UBAP1: variants seen among roughly 807,000 people sequenced by gnomAD.
The protein encoded by UBAP1 is ubiquitin-associated protein 1.
Under a neutral mutation model 39.0 loss-of-function variants are expected in UBAP1, and 5 were observed. The ratio of observed to expected loss-of-function variants is 0.13; its 90% confidence interval spans 0.07 to 0.27. The LOEUF is 0.27. UBAP1 is among the 10% of genes least tolerant of loss of function. The probability of loss-of-function intolerance (pLI) is 1.00; values close to 1 mark genes in which losing one functional copy is unlikely to be tolerated. For synonymous variants in UBAP1, 211 were observed against 225.1 expected (o/e 0.94, Z 0.56); for missense variants, 490 against 608.1 (o/e 0.81, Z 2.04).
intron 1 of UBAP1, among the ~76,000 whole-genome samples, chr9:34,208,046 T>C (rs1443471927): frequency 6.6e-6 from 1 of 152,208 alleles, no homozygotes; most frequent in East Asian, 1.9e-4. Flanking sequence ...GGTATTAGTT[T>C]TTTGTTTTTT....
At chr9:34,222,803 A>G (rs1375728003) in intron 2 of UBAP1, among the ~76,000 whole-genome samples, 1 of 152,028 alleles carries the variant, frequency 6.6e-6, no homozygotes, top group African/African-American at 2.4e-5. Flanking sequence ...TCAAACAAAC[A>G]AACAAAAAAT....
rs537909445 is a variant in UBAP1 at position 34,229,111 on chromosome 9, C to T, written c.35-5105C>T. On this transcript the variant is annotated intron_variant, in intron 2 of 6. Transcript: ENST00000297661. ...GTGCTAGTGAAGGGAAACGGCAGCC[C>T]TTTAAAGGTATTCTACCTCATCTTT... is the stretch of plus-strand genomic sequence containing the variant. Among the ~76,000 whole-genome samples the T allele has an allele frequency of 2.0e-5, 3 of 152,238 alleles. No homozygotes were observed. In the East Asian group the frequency reaches 5.8e-4, roughly 29 times the overall value.
At chr9:34,232,289 C>T (rs1003733901) in intron 2 of UBAP1, among the ~76,000 whole-genome samples, 2 of 152,182 alleles carry the variant, frequency 1.3e-5, no homozygotes, top group African/African-American at 4.8e-5. Flanking sequence ...GCCACTGCAC[C>T]CGGCCTGAGT....
rs1223600162 is a variant in UBAP1, at chr9:34,241,344, A to T, written c.319A>T (p.Thr107Ser). ...CGATAGCAAAATGAGCTTCTCCAAG[A>T]CTCACAGTACAGCCACAATGCCACC... Reference protein sequence around the residue: ...EGDSKMSFSKTHSTATMPPPI... With the variant: ...EGDSKMSFSKSHSTATMPPPI... The change falls in exon 4 of 7, where the codon ACT (threonine) becomes TCT (serine). Residue 107 changes from threonine (T) to serine (S), a missense_variant. Transcript: ENST00000297661. 2 of 1,525,794 alleles carry T rather than the reference A, an allele frequency of 1.3e-6. No homozygotes were observed. Among genetic ancestry groups the T allele is most frequent in the African/African-American group, 2.8e-5 (2 of 71,858 alleles). The allele number at this position is 1,525,794 out of a possible 1,614,324, so 94.5% of individuals were successfully genotyped here.
At chr9:34,199,724 A>C (rs1831261925) in intron 1 of UBAP1, among the ~76,000 whole-genome samples, 1 of 147,350 alleles carries the variant, frequency 6.8e-6, no homozygotes, top group Admixed American at 6.8e-5. Flanking sequence ...AACCTTGACT[A>C]CCCCTGGCTC....
At chr9:34,190,906 C>T (rs527310163) in intron 1 of UBAP1, among the ~76,000 whole-genome samples, 124 of 151,708 alleles carry the variant, frequency 8.2e-4, no homozygotes, top group Non-Finnish European at 1.7e-3. Context: ...CCTCGGCCTC[C>T]CAAAGTGTTG....
chr9:34,224,298 C>T (rs145481272), intron 2 of UBAP1: 59 of 449,832 alleles, frequency 1.3e-4, no homozygotes, highest in African/African-American at 1.2e-3. Context: ...GGTGTGCTGT[C>T]GATGAGTATG....
chr9:34,247,390 G>C (rs901778423), intron 4 of UBAP1, among the ~76,000 whole-genome samples: 2 of 151,964 alleles, frequency 1.3e-5, no homozygotes, highest in East Asian at 1.9e-4. Context: ...AAATATTGTA[G>C]AGCATGTACA....
chr9:34,241,369 C>A lies in UBAP1; in HGVS notation c.344C>A (p.Pro115His). The stretch of plus-strand genomic sequence containing the variant: ...ACTCACAGTACAGCCACAATGCCAC[C>A]TCCTATTAACCCCATCCTCGCCAGC... ...SKTHSTATMP[P>H]PINPILASLQ... Residue 115 changes from proline to histidine, a missense_variant, in exon 4 of 7, where the codon CCT becomes CAT. Transcript: ENST00000297661. The A allele has an allele frequency of 6.5e-7, 1 of 1,545,934 alleles. No homozygotes were observed. The highest frequency in any genetic ancestry group is 1.3e-5 in the South Asian group (1 of 79,840).
At chr9:34,233,174 C>A (rs1833514970) in intron 2 of UBAP1, among the ~76,000 whole-genome samples, 1 of 151,474 alleles carries the variant, frequency 6.6e-6, no homozygotes, top group African/African-American at 2.4e-5. Flanking sequence ...TAAGGATTTC[C>A]ATGTTGTTCT....
intron 1 of UBAP1, among the ~76,000 whole-genome samples, chr9:34,212,520 A>G (rs1319782678): frequency 6.6e-6 from 1 of 151,870 alleles, no homozygotes; most frequent in Non-Finnish European, 1.5e-5. Context: ...TTTAGTAGAC[A>G]CTCTTAGTGC....
chr9:34,204,157 T>A (rs925008197), intron 1 of UBAP1, among the ~76,000 whole-genome samples: 2 of 152,148 alleles, frequency 1.3e-5, no homozygotes, highest in African/African-American at 4.8e-5. Context: ...TGAAATCCTG[T>A]CTCTACTAAA....
Position 34,251,659 on chromosome 9 carries a change from A to G in UBAP1, c.*127A>G. ...TTGGGGGTTAGAAGGTCAGGTGTGG[A>G]GACTGCTCGCCAGTCTCTGTGAGCC... On this transcript the variant is annotated 3_prime_UTR_variant, in exon 7 of 7. Coordinates refer to ENST00000297661, the MANE Select transcript of UBAP1 (RefSeq NM_016525.5). The G allele has an allele frequency of 9.2e-7, 1 of 1,082,084 alleles. No individual in the cohort carries two copies. Among genetic ancestry groups the G allele is most frequent in the Non-Finnish European group, 1.3e-6 (1 of 774,276 alleles). The allele number at this position is 1,082,084 out of a possible 1,614,324, so 67.0% of individuals were successfully genotyped here.
rs67856544 is a variant in UBAP1, at chr9:34,181,116, CTTT to C, written c.-8+1891_-8+1893del. Among the ~76,000 whole-genome samples, 7 of 72,272 alleles carry C rather than the reference CTTT, an allele frequency of 9.7e-5. 1 individual carries two copies. The highest frequency in any genetic ancestry group is 5.7e-4 in the South Asian group (1 of 1,750). The allele number at this position is 72,272 out of a possible 152,430, so 47.4% of individuals were successfully genotyped here. ...TGAGCCACCGCACCCGGCCTGTTTT[CTTT>C]TTTTTTTTTTTTTTGAGACAGAGTT... On this transcript the variant is annotated intron_variant, in intron 1 of 6. Transcript: ENST00000297661.
At chr9:34,181,709 G>A (rs1252519801) in intron 1 of UBAP1, among the ~76,000 whole-genome samples, 1 of 147,986 alleles carries the variant, frequency 6.8e-6, no homozygotes. Flanking sequence ...TGGGATTACA[G>A]GCGTGAGCCA....
chr9:34,239,894 T>C (rs1172520267), intron 3 of UBAP1, among the ~76,000 whole-genome samples: 1 of 152,110 alleles, frequency 6.6e-6, no homozygotes, highest in Non-Finnish European at 1.5e-5. Context: ...CTCAGCCCCC[T>C]CCCTCCCTGC....
intron 4 of UBAP1, among the ~76,000 whole-genome samples, chr9:34,243,145 A>G (rs1834046876): frequency 6.6e-6 from 1 of 152,144 alleles, no homozygotes; most frequent in African/African-American, 2.4e-5. Context: ...CCTCTTGGTC[A>G]GTTGTTGGGC....
At chr9:34,248,914 C>T (rs1224052832) in intron 4 of UBAP1, among the ~76,000 whole-genome samples, 1 of 152,202 alleles carries the variant, frequency 6.6e-6, no homozygotes, top group Non-Finnish European at 1.5e-5. Flanking sequence ...GACCTCGTTC[C>T]TGTGGTCAGT....
intron 1 of UBAP1, among the ~76,000 whole-genome samples, chr9:34,207,343 G>A (rs1463830005): frequency 6.7e-6 from 1 of 149,766 alleles, no homozygotes; most frequent in Non-Finnish European, 1.5e-5. Context: ...ACCACGCCTG[G>A]CCGCTTAATT....
Sources: gnomAD v4.1 joint callset for allele counts (sites outside exome capture counted in the v4.1 genomes callset) on GRCh38, gnomAD v4.1.1 for gene constraint, MANE v1.5 for transcripts, NCBI Gene and HGNC (gene_info 2026-07-23, HGNC 2026-07-21) for gene names.